RIPOR1: variants seen among roughly 807,000 people sequenced by gnomAD.
The protein encoded by RIPOR1 is rho family-interacting cell polarization regulator 1.
In RIPOR1, 58 loss-of-function variants were observed where a neutral mutation model predicts 116.5. The ratio of observed to expected loss-of-function variants is 0.50; its 90% confidence interval spans 0.40 to 0.62. The LOEUF (loss-of-function observed/expected upper bound fraction) is 0.62. RIPOR1 is among the 20% of genes least tolerant of loss of function. The pLI, the probability that RIPOR1 is intolerant of heterozygous loss-of-function variation, is 0.00. For missense variants in RIPOR1, 1,372 were observed against 1,586.2 expected, an observed-to-expected ratio of 0.86 and a Z score of 2.29; for synonymous variants, 605 against 650.0, an observed-to-expected ratio of 0.93 and a Z score of 1.05.
At position 67,543,532 on chromosome 16, in the gene RIPOR1, G is replaced by A. The variant is rs1013043500; in HGVS notation, c.2600+63G>A. The A allele has an allele frequency of 2.6e-5, 40 of 1,537,128 alleles. No individual in the cohort carries two copies. Among genetic ancestry groups the A allele is most frequent in the Non-Finnish European group, 3.5e-5 (40 of 1,145,188 alleles). ...AGAGGGAAAAGGTGAGGCAGGACCA[G>A]GGGAAGGTGGAACAGGTGAATTGGG... On this transcript the variant is annotated intron_variant, in intron 14 of 21. Transcript: ENST00000042381. This position sits in a 1 kb window ranked among gnomAD's most constrained non-coding sequence, Gnocchi z 4.7.
In RIPOR1 at chr16:67,538,509, G is replaced by A; in HGVS notation, c.63G>A (p.Gln21=). Reference sequence around the variant, plus strand: ...TCAGCGCCCGGGTCAATAGGAGCCAGTCCTTCGCAGGCGTCCTCGGCAGCC... The same window carrying A: ...TCAGCGCCCGGGTCAATAGGAGCCAATCCTTCGCAGGCGTCCTCGGCAGCC... The part of the protein sequence containing the change: ...RLLSARVNRS[Q]SFAGVLGSHE... The change falls in exon 2 of 22, where the codon CAG becomes CAA. Residue 21 remains glutamine, a synonymous_variant. Coordinates refer to ENST00000042381, the MANE Select transcript of RIPOR1 (RefSeq NM_024519.4). 2 of 1,612,178 alleles carry A rather than the reference G, an allele frequency of 1.2e-6. No homozygotes were observed. The highest frequency in any genetic ancestry group is 8.5e-7 in the Non-Finnish European group (1 of 1,179,446).
chr16:67,541,403 G>T lies in RIPOR1; in HGVS notation c.802-27G>T. On this transcript the variant is annotated intron_variant, in intron 10 of 21. Transcript: ENST00000042381. The surrounding 1 kb of genome is among the most constrained non-coding windows in gnomAD (Gnocchi z 4.6). ...GATCTCATAGCCCCTGCACCCTTGTGACCCTACCATGCACTCTTGGCTACA... is the reference window on the plus strand; with the variant it reads ...GATCTCATAGCCCCTGCACCCTTGTTACCCTACCATGCACTCTTGGCTACA... The T allele has an allele frequency of 6.2e-7, 1 of 1,607,208 alleles. No individual in the cohort carries two copies. The highest frequency in any genetic ancestry group is 1.1e-5 in the South Asian group (1 of 90,442).
At position 67,539,956 on chromosome 16, in the gene RIPOR1, GA is replaced by G; in HGVS notation, c.414+58del. On this transcript the variant is annotated intron_variant, in intron 6 of 21. Transcript: ENST00000042381. ...GGGGGGTTGGATATCATAGGGAGAA[GA>G]GGGGTGGTGCCAGGCCCTGGGTGAG... 3 of 1,613,930 alleles carry G rather than the reference GA, an allele frequency of 1.9e-6. No homozygotes were observed. In the South Asian group the frequency reaches 3.3e-5, roughly 18 times the overall value.
chr16:67,520,332 G>T (rs1311216546), intron 1 of RIPOR1, among the ~76,000 whole-genome samples: 2 of 150,208 alleles, frequency 1.3e-5, no homozygotes, highest in Non-Finnish European at 3.0e-5. Context: ...AGTGAGCTGA[G>T]ATCGCGCCAC....
rs940395296 is a variant in RIPOR1, at chr16:67,544,575, G to C, written c.2734-120G>C. The C allele has an allele frequency of 1.5e-5, 23 of 1,544,972 alleles. No homozygotes were observed. The highest frequency in any genetic ancestry group is 4.4e-4 in the Middle Eastern group (2 of 4,576). On this transcript the variant is annotated intron_variant, in intron 15 of 21. Transcript: ENST00000042381. This position sits in a 1 kb window ranked among gnomAD's most constrained non-coding sequence, Gnocchi z 5.1. ...CTTGGCATCTGGCCCTTGCTGAATG[G>C]AGTATCTCCCAACTCTGCAACCCCA...
intron 1 of RIPOR1, among the ~76,000 whole-genome samples, chr16:67,520,715 G>A (rs2142387633): frequency 1.3e-5 from 2 of 151,932 alleles, no homozygotes; most frequent in South Asian, 4.2e-4. Context: ...CAGGAGAATC[G>A]CTTAAACCTA....
At chr16:67,535,711 G>T (rs2050776040) in intron 1 of RIPOR1, among the ~76,000 whole-genome samples, 1 of 152,138 alleles carries the variant, frequency 6.6e-6, no homozygotes, top group East Asian at 1.9e-4. Context: ...TGAGGTGGGG[G>T]TGATGGAAAG....
In RIPOR1 at chr16:67,546,031, A is replaced by G. The variant is rs1432791175; in HGVS notation, c.3470A>G (p.Lys1157Arg). The G allele has an allele frequency of 6.2e-7, 1 of 1,612,940 alleles. No homozygotes were observed. Among genetic ancestry groups the G allele is most frequent in the South Asian group, 1.1e-5 (1 of 91,076 alleles). Residue 1157 changes from lysine to arginine, a missense_variant and splice_region_variant, in exon 20 of 22, where the codon AAG becomes AGG. Physicochemically the swap from Lys to Arg is conservative, Grantham distance 26. Around this residue, in one of 3 missense-constraint regions of RIPOR1, gnomAD observed 1,005 missense variants for 1,144.7 expected, o/e 0.88. Coordinates refer to ENST00000042381, the MANE Select transcript of RIPOR1 (RefSeq NM_024519.4). ...GGCTGCCTGGCCCTAGGCTGCATCAAGGTGACCCCTGCCAACCCTCCCACC... is the reference window on the plus strand; with the variant it reads ...GGCTGCCTGGCCCTAGGCTGCATCAGGGTGACCCCTGCCAACCCTCCCACC... ...VAGCLALGCI[K>R]APEGIEPLVY... is the part of the protein sequence containing the mutation.
rs1294986391 is a variant in RIPOR1 at position 67,541,417 on chromosome 16, C to G, written c.802-13C>G. 1 of 1,612,226 alleles carries G rather than the reference C, an allele frequency of 6.2e-7. No homozygotes were observed. Among genetic ancestry groups the G allele is most frequent in the African/African-American group, 1.3e-5 (1 of 74,880 alleles). On this transcript the variant is annotated splice_polypyrimidine_tract_variant and intron_variant, in intron 10 of 21. Transcript: ENST00000042381. The surrounding 1 kb of genome is among the most constrained non-coding windows in gnomAD (Gnocchi z 4.6). ...TGCACCCTTGTGACCCTACCATGCA[C>G]TCTTGGCTACAGGTGACAGAACTGA...
chr16:67,544,150 C>G lies in RIPOR1; in HGVS notation c.2601-149C>G. 2 of 1,026,280 alleles carry G rather than the reference C, an allele frequency of 1.9e-6. No homozygotes were observed. Among genetic ancestry groups the G allele is most frequent in the Non-Finnish European group, 2.8e-6 (2 of 722,016 alleles). The allele number at this position is 1,026,280 out of a possible 1,614,324, so 63.6% of individuals were successfully genotyped here. The stretch of plus-strand genomic sequence containing the variant: ...TGCTGGTCCCAGCCCCTTCCTCCTT[C>G]TGGAAATCCTCCATGAACTTACCCC... On this transcript the variant is annotated intron_variant, in intron 14 of 21. Transcript: ENST00000042381. The surrounding 1 kb of genome is among the most constrained non-coding windows in gnomAD (Gnocchi z 5.1).
upstream of RIPOR1, among the ~76,000 whole-genome samples, chr16:67,527,944 T>C (rs1235897960): frequency 6.9e-6 from 1 of 145,554 alleles, no homozygotes; most frequent in East Asian, 2.0e-4. Context: ...GGGGGCGGGG[T>C]ACAGATATTC....
Position 67,538,442 on chromosome 16 carries a change from ACTCT to A in RIPOR1, c.-4_-1del. 6.2e-7 allele frequency: 1 copy of A among 1,600,238 alleles called. No homozygotes were observed. Among genetic ancestry groups the A allele is most frequent in the Admixed American group, 1.7e-5 (1 of 58,120 alleles). On this transcript the variant is annotated 5_prime_UTR_variant, in exon 2 of 22. Coordinates refer to ENST00000042381, the MANE Select transcript of RIPOR1 (RefSeq NM_024519.4). ...CCCGCAGGGAGCCCCGCGCGGACTC[ACTCT>A]ATGATGTCCCTGTCGGTGCGGCCGC...
rs532070942 is a variant in RIPOR1 at position 67,532,046 on chromosome 16, C to T, written c.-24+3132C>T. 2.0e-5 allele frequency among the ~76,000 whole-genome samples: 3 copies of T among 151,890 alleles called. No homozygotes were observed. In the South Asian group the frequency reaches 6.2e-4, roughly 32 times the overall value. ...AGCTGGGACTACAGGCGCCAGCCACCACGCCCAGCTAATTTTTTTTTTTTT... is the reference window on the plus strand; with the variant it reads ...AGCTGGGACTACAGGCGCCAGCCACTACGCCCAGCTAATTTTTTTTTTTTT... On this transcript the variant is annotated intron_variant, in intron 1 of 21. Coordinates refer to ENST00000042381, the MANE Select transcript of RIPOR1 (RefSeq NM_024519.4).
At position 67,546,247 on chromosome 16, in the gene RIPOR1, G is replaced by T. The variant is rs1189418354; in HGVS notation, c.3562+16G>T. The T allele has an allele frequency of 6.2e-7, 1 of 1,613,572 alleles. No individual in the cohort carries two copies. Among genetic ancestry groups the T allele is most frequent in the Admixed American group, 1.7e-5 (1 of 59,998 alleles). On this transcript the variant is annotated intron_variant, in intron 21 of 21. Transcript: ENST00000042381. Reference sequence around the variant, plus strand: ...CAGCAGTGTGGTGAGGCTGGGGGATGGAAGAGATGGGTGGAGTTCTGGGAC... The same window carrying T: ...CAGCAGTGTGGTGAGGCTGGGGGATTGAAGAGATGGGTGGAGTTCTGGGAC...
intron 1 of RIPOR1, among the ~76,000 whole-genome samples, chr16:67,521,590 C>T (rs546594023): frequency 6.6e-6 from 1 of 152,210 alleles, no homozygotes; most frequent in Admixed American, 6.5e-5. Context: ...GAAGGAAGGA[C>T]GCCCAGCCCA....
intron 1 of RIPOR1, among the ~76,000 whole-genome samples, chr16:67,534,835 C>CTTTTTTTTTTTTT (rs553858194): frequency 5.1e-5 from 4 of 79,024 alleles, no homozygotes; most frequent in African/African-American, 1.6e-4. Flanking sequence ...TTCTTTTTTT[C>CTTTTTTTTTTTTT]TTTTTTTTTT....
At position 67,538,405 on chromosome 16, in the gene RIPOR1, C is replaced by A; in HGVS notation, c.-23-19C>A. 1 of 1,551,220 alleles carries A rather than the reference C, an allele frequency of 6.4e-7. No homozygotes were observed. The highest frequency in any genetic ancestry group is 8.7e-7 in the Non-Finnish European group (1 of 1,146,164). ...TCGGGGATCCGACTGGTACTGGACA[C>A]CCCCCCGATCACCCGCAGGGAGCCC... On this transcript the variant is annotated intron_variant, in intron 1 of 21. Transcript: ENST00000042381.
intron 1 of RIPOR1, among the ~76,000 whole-genome samples, chr16:67,523,571 A>G (rs1288824971): frequency 6.7e-6 from 1 of 149,380 alleles, no homozygotes; most frequent in African/African-American, 2.5e-5. Context: ...ATCTTTTGGC[A>G]CAGATGTTTT....
chr16:67,533,182 G>C (rs1293195602), intron 1 of RIPOR1, among the ~76,000 whole-genome samples: 1 of 152,172 alleles, frequency 6.6e-6, no homozygotes, highest in Non-Finnish European at 1.5e-5. Context: ...TGGAGAAGTT[G>C]AGACTAGGGA....
Sources: gnomAD v4.1 joint callset for allele counts (sites outside exome capture counted in the v4.1 genomes callset) on GRCh38, gnomAD v4.1.1 for gene constraint, gnomAD v4.1.1 regional missense constraint, Gnocchi (gnomAD v3.1) non-coding constraint, MANE v1.5 for transcripts, NCBI Gene and HGNC (gene_info 2026-07-23, HGNC 2026-07-21) for gene names.